The following ZNF536 variants were observed in gnomAD, a reference collection of about 807,000 sequenced individuals.
ZNF536 encodes zinc finger protein 536.
ZNF536 carries 13 observed loss-of-function variants against 84.5 expected under a neutral mutation model. That is an observed-to-expected ratio of 0.15 (90% CI 0.10 to 0.24). The LOEUF is 0.24. Ranked by LOEUF, ZNF536 falls within the 10% of genes least tolerant of loss-of-function variation. The pLI is 1.00. For missense variants in ZNF536, 1,536 were observed against 1,747.5 expected, an observed-to-expected ratio of 0.88 and a Z score of 2.16; for synonymous variants, 811 against 742.5, an observed-to-expected ratio of 1.09 and a Z score of -1.50.
At chr19:30,251,743 T>G (rs2024622555) in intron 1 of ZNF536, among the ~76,000 whole-genome samples, 1 of 152,134 alleles carries the variant, frequency 6.6e-6, no homozygotes, top group African/African-American at 2.4e-5. Context: ...TCCTACCCTT[T>G]CCCCCTGAGT....
chr19:30,463,106 T>C (rs557640802), intron 2 of ZNF536, among the ~76,000 whole-genome samples: 1 of 152,188 alleles, frequency 6.6e-6, no homozygotes, highest in South Asian at 2.1e-4. Context: ...TGTGTTGGGA[T>C]GCGTGTATCT....
At position 30,531,876 on chromosome 19, in the gene ZNF536, C is replaced by A. The variant is rs140445953; in HGVS notation, c.2171-2971C>A. Among the ~76,000 whole-genome samples the A allele has an allele frequency of 2.2e-3, 334 of 152,210 alleles. 2 individuals are homozygous for A. The highest frequency in any genetic ancestry group is 7.7e-3 in the African/African-American group (320 of 41,538). On this transcript the variant is annotated intron_variant, in intron 2 of 4. Coordinates refer to ENST00000355537, the MANE Select transcript of ZNF536 (RefSeq NM_014717.3). ...CTGACCTCAAGTGATCTACCCACCT[C>A]GGTGTCCCAAAGTGCCAGGATTACA...
At chr19:30,623,020 G>GTTTTTTTTTTTTTTTTTTTTTTTT (rs66483120) in intron 1 of ZNF536, among the ~76,000 whole-genome samples, 1 of 129,542 alleles carries the variant, frequency 7.7e-6, no homozygotes, top group Non-Finnish European at 1.6e-5. Context: ...AAAATCTTGT[G>GTTTTTTTTTTTTTTTTTTTTTTTT]TTTTTTTTTT....
chr19:30,563,541 T>C (rs1472646570), intron 1 of ZNF536, among the ~76,000 whole-genome samples: 1 of 152,208 alleles, frequency 6.6e-6, no homozygotes, highest in Non-Finnish European at 1.5e-5. Context: ...TACCCAGTAA[T>C]TTAATTTTAA....
intron 2 of ZNF536, among the ~76,000 whole-genome samples, chr19:30,510,962 T>A (rs1044788239): frequency 2.0e-5 from 3 of 152,170 alleles, no homozygotes; most frequent in African/African-American, 7.2e-5. Flanking sequence ...GGGATGGATA[T>A]CATATCTCCC....
At chr19:30,617,368 T>TTTTTTTTTTTTTTTG in intron 1 of ZNF536, among the ~76,000 whole-genome samples, 1 of 123,954 alleles carries the variant, frequency 8.1e-6, no homozygotes, top group Non-Finnish European at 1.6e-5. Context: ...TTTTTTTTTA[T>TTTTTTTTTTTTTTTG]GAGATGGAGT....
At chr19:30,339,007 C>G (rs12978854) in intron 2 of ZNF536, among the ~76,000 whole-genome samples, 2 of 151,894 alleles carry the variant, frequency 1.3e-5, no homozygotes, top group Non-Finnish European at 2.9e-5. Context: ...AGCTTGGTCC[C>G]TCCTCTTCCT....
intron 2 of ZNF536, among the ~76,000 whole-genome samples, chr19:30,288,612 T>C (rs536026191): frequency 4.9e-4 from 74 of 152,334 alleles, no homozygotes; most frequent in African/African-American, 1.7e-3. Context: ...AGCAAAGGTA[T>C]AGGCTTTGGA....
At chr19:30,626,686 G>A (rs113623419) in intron 1 of ZNF536, among the ~76,000 whole-genome samples, 168 of 152,306 alleles carry the variant, frequency 1.1e-3, no homozygotes, top group African/African-American at 3.6e-3. Context: ...CCTGCACGAC[G>A]CAAGGAAGCT....
intron 2 of ZNF536, among the ~76,000 whole-genome samples, chr19:30,500,513 T>C (rs1014617649): frequency 6.6e-6 from 1 of 151,926 alleles, no homozygotes. Context: ...AACCCCAGGC[T>C]CACTCCTGGT....
intron 1 of ZNF536, among the ~76,000 whole-genome samples, chr19:30,674,054 C>T (rs763855161): frequency 2.0e-5 from 3 of 152,202 alleles, no homozygotes; most frequent in Admixed American, 6.5e-5. Context: ...GCATTCATCA[C>T]AGAAATTAAC....
intron 1 of ZNF536, among the ~76,000 whole-genome samples, chr19:30,567,334 G>T (rs1000808048): frequency 1.3e-4 from 20 of 152,124 alleles, no homozygotes; most frequent in Non-Finnish European, 2.5e-4. Context: ...CAGGTGTTTG[G>T]GTTGTGACCA....
Position 30,651,786 on chromosome 19 carries a change from T to C in ZNF536, c.170-58971T>C, listed in dbSNP as rs567032355. Among the ~76,000 whole-genome samples, 5 of 151,598 alleles carry C rather than the reference T, an allele frequency of 3.3e-5. No homozygotes were observed. The East Asian group carries it at 9.6e-4, about 29-fold the overall frequency. On this transcript the variant is annotated intron_variant, in intron 1 of 1. Transcript: ENST00000592773. ...GTTGAAAAATTCAAGAATTTGGCAG[T>C]GACCTTAAGGCCACAGATAGGATAA...
At chr19:30,703,760 C>T (rs181853359) in intron 1 of ZNF536, among the ~76,000 whole-genome samples, 11 of 152,294 alleles carry the variant, frequency 7.2e-5, no homozygotes, top group East Asian at 3.9e-4. Flanking sequence ...CACCAGCAGC[C>T]GACATCTTGG....
upstream of ZNF536, among the ~76,000 whole-genome samples, chr19:30,367,994 C>A (rs897421562): frequency 6.6e-6 from 1 of 152,318 alleles, no homozygotes; most frequent in East Asian, 1.9e-4. Context: ...CATCTCCCAC[C>A]CTGTGCCTTG....
chr19:30,456,877 A>G (rs1434676146), intron 2 of ZNF536, among the ~76,000 whole-genome samples: 1 of 151,946 alleles, frequency 6.6e-6, no homozygotes, highest in Non-Finnish European at 1.5e-5. Flanking sequence ...CCCCATCTCT[A>G]CTAAAAATAC....
intron 1 of ZNF536, among the ~76,000 whole-genome samples, chr19:30,621,439 G>GC (rs1555815686): frequency 6.6e-6 from 1 of 152,066 alleles, no homozygotes; most frequent in Non-Finnish European, 1.5e-5. Flanking sequence ...GCTCTTCTCA[G>GC]TGGGGGGACT....
At chr19:30,370,132 A>T (rs2048564899), upstream of ZNF536, among the ~76,000 whole-genome samples, 1 of 152,220 alleles carries the variant, frequency 6.6e-6, no homozygotes, top group Admixed American at 6.5e-5. Flanking sequence ...ATCTGAGATT[A>T]CCAGTTAAAC....
intron 2 of ZNF536, among the ~76,000 whole-genome samples, chr19:30,305,745 G>A (rs1429091676): frequency 6.6e-6 from 1 of 152,222 alleles, no homozygotes; most frequent in Non-Finnish European, 1.5e-5. Context: ...ACTCTTCTAG[G>A]CAGAATTGGG....
Sources: gnomAD v4.1 joint callset for allele counts (sites outside exome capture counted in the v4.1 genomes callset) on GRCh38, gnomAD v4.1.1 for gene constraint, MANE v1.5 for transcripts, NCBI Gene and HGNC (gene_info 2026-07-23, HGNC 2026-07-21) for gene names.